The following PKHD1L1 variants were observed in gnomAD, a reference collection of about 807,000 sequenced individuals.
The protein encoded by PKHD1L1 is PKHD1 like 1, also known as fibrocystin-L.
In PKHD1L1, 434 loss-of-function variants were observed where a neutral mutation model predicts 462.9. That is an observed-to-expected ratio of 0.94 (90% confidence interval 0.87 to 1.02). PKHD1L1 has a LOEUF of 1.02. Among genes scored for constraint, PKHD1L1 ranks in the 50% least tolerant of loss-of-function variants. The pLI is 0.00. For synonymous variants in PKHD1L1, 1,781 were observed against 1,750.0 expected, an observed-to-expected ratio of 1.02 and a Z score of -0.44; for missense variants, 5,202 against 5,096.1, an observed-to-expected ratio of 1.02 and a Z score of -0.63.
chr8:109,476,485 C>T, intron 51 of PKHD1L1, 23 bp from the exon 52 acceptor site: 1 of 1,369,216 alleles, frequency 7.3e-7, no homozygotes, highest in Non-Finnish European at 9.9e-7. Context: ...ATACAAGTCA[C>T]ATTTTTCTAT....
chr8:109,502,831 A>T (rs1237279299), intron 67 of PKHD1L1, among the ~76,000 whole-genome samples: 1 of 152,230 alleles, frequency 6.6e-6, no homozygotes, highest in Non-Finnish European at 1.5e-5. Context: ...AGCTTCTTCT[A>T]CCTGAAACTT....
chr8:109,453,386 G>A (rs751252810), intron 43 of PKHD1L1, among the ~76,000 whole-genome samples: 30 of 152,136 alleles, frequency 2.0e-4, no homozygotes, highest in Non-Finnish European at 1.5e-5. Context: ...GTTGTTGCCT[G>A]GGTTTGTCTC....
rs777422174 is a variant in PKHD1L1 at position 109,454,262 on chromosome 8, T to C, written c.6744+16T>C. On this transcript the variant is annotated intron_variant, in intron 44 of 77. Coordinates refer to ENST00000378402, the MANE Select transcript of PKHD1L1 (RefSeq NM_177531.6). ...TGTTCTTCAGGTATTCAAAAGAACA[T>C]AATACATATTCATTTCCAACCTGTC... 4 of 1,543,538 alleles carry C rather than the reference T, an allele frequency of 2.6e-6. No individual in the cohort carries two copies. Among genetic ancestry groups the C allele is most frequent in the Non-Finnish European group, 3.5e-6 (4 of 1,130,466 alleles).
Position 109,448,389 on chromosome 8 carries a change from A to G in PKHD1L1, c.6023A>G (p.Gln2008Arg), listed in dbSNP as rs1021463700. Reference protein sequence around the residue: ...PLNIQNINPSQGSFGGGQTMT... With the variant: ...PLNIQNINPSRGSFGGGQTMT... ...AATATTCAAAATATTAATCCAAGCC[A>G]AGGTAGTCATAAGTATGCAAGAACC... The change falls in exon 39 of 78, where the codon CAA becomes CGA. Residue 2008 changes from glutamine to arginine, a missense_variant and splice_region_variant. Physicochemically the swap from Gln to Arg is conservative, Grantham distance 43. Around this residue, in one of 3 missense-constraint regions of PKHD1L1, gnomAD observed 4,497 missense variants for 4,336.8 expected, o/e 1.04. Transcript: ENST00000378402. The G allele has an allele frequency of 6.2e-7, 1 of 1,609,454 alleles. No homozygotes were observed.
In PKHD1L1 at chr8:109,507,845, C is replaced by G. The variant is rs565723069; in HGVS notation, c.11177C>G (p.Thr3726Arg). Residue 3726 changes from threonine (T) to arginine (R), a missense_variant, in exon 69 of 78, where the codon ACA (threonine) becomes AGA (arginine). Physicochemically the swap from Thr to Arg is moderately conservative, Grantham distance 71. Coordinates refer to ENST00000378402, the MANE Select transcript of PKHD1L1 (RefSeq NM_177531.6). ...GDYRIPKAML[T>R]FLNGSRIPVT... ...TACAGAATTCCTAAGGCGATGCTCA[C>G]ATTCTTGAATGGAAGTAGAATTCCT... is the stretch of plus-strand genomic sequence containing the variant. The G allele has an allele frequency of 6.2e-7, 1 of 1,613,582 alleles. No homozygotes were observed. The highest frequency in any genetic ancestry group is 2.2e-5 in the East Asian group (1 of 44,848).
In PKHD1L1 at chr8:109,444,667, A is replaced by G. The variant is rs1216504492; in HGVS notation, c.4798A>G (p.Ile1600Val). The G allele has an allele frequency of 1.9e-6, 3 of 1,610,862 alleles. No homozygotes were observed. The highest frequency in any genetic ancestry group is 1.6e-4 in the Middle Eastern group (1 of 6,076). Residue 1600 changes from isoleucine to valine, a missense_variant, in exon 38 of 78, where the codon ATT becomes GTT. Ile to Val is a conservative substitution (Grantham distance 29). This residue lies in a region of PKHD1L1 where 4,497 missense variants were observed against 4,336.8 expected (regional missense o/e 1.04). Transcript: ENST00000378402. ...GTATTCATTTTACTTACAGGTTACA[A>G]TTGGTAGCTACCCCTGTGTCGTAGA... Reference protein sequence around the residue: ...SNLPWANKVTIGSYPCVVEES... With the variant: ...SNLPWANKVTVGSYPCVVEES...
intron 25 of PKHD1L1, among the ~76,000 whole-genome samples, chr8:109,427,728 A>G (rs925437885): frequency 6.6e-6 from 1 of 152,090 alleles, no homozygotes; most frequent in Non-Finnish European, 1.5e-5. Context: ...TCAAACATTA[A>G]AAAGATGATG....
chr8:109,507,051 T>G (rs1016634140), intron 68 of PKHD1L1, among the ~76,000 whole-genome samples: 2 of 152,160 alleles, frequency 1.3e-5, no homozygotes, highest in African/African-American at 4.8e-5. Flanking sequence ...TACTAAAATA[T>G]GTAGCATAAT....
At position 109,465,184 on chromosome 8, in the gene PKHD1L1, C is replaced by G. The variant is rs1817371128; in HGVS notation, c.8352C>G (p.Asn2784Lys). ...ACGTCCAGTATTCTCACACACCGAA[C>G]AAGGCTGGCTTTCGCTGGGAACATG... ...FVDVQYSHTP[N>K]KAGFRWEHEM... is the part of the protein sequence containing the mutation. Residue 2784 changes from asparagine (N) to lysine (K), a missense_variant, in exon 49 of 78, where the codon AAC becomes AAG. Transcript: ENST00000378402. 1 of 1,613,592 alleles carries G rather than the reference C, an allele frequency of 6.2e-7. No individual in the cohort carries two copies. Among genetic ancestry groups the G allele is most frequent in the African/African-American group, 1.3e-5 (1 of 74,886 alleles).
intron 32 of PKHD1L1, 130 bp downstream of exon 32, chr8:109,439,222 C>CAA: frequency 1.3e-6 from 1 of 797,196 alleles, no homozygotes; most frequent in Non-Finnish European, 2.0e-6. Flanking sequence ...TCTTCTTTGG[C>CAA]AAAAGATGCC....
Position 109,522,837 on chromosome 8 carries a change from C to A in PKHD1L1, c.12277C>A (p.Gln4093Lys). Residue 4093 changes from glutamine to lysine, a missense_variant, in exon 75 of 78, where the codon CAG becomes AAG. Transcript: ENST00000378402. ...AGTGATCACTCAGCCGGTGGCAGCA[C>A]AGCCAGGACAGCCATTTCCTCAGCA... ...LLVITQPVAA[Q>K]PGQPFPQQPS... 6.2e-7 allele frequency: 1 copy of A among 1,611,842 alleles called. No homozygotes were observed. The highest frequency in any genetic ancestry group is 8.5e-7 in the Non-Finnish European group (1 of 1,179,144).
chr8:109,445,560 T>C lies in PKHD1L1; in HGVS notation c.5691T>C (p.Phe1897=), dbSNP rs1816087984. Residue 1897 remains phenylalanine (F), a synonymous_variant, in exon 38 of 78, where the codon TTT becomes TTC. Transcript: ENST00000378402. ...GTTGMVDVKI[F]VNTIAYPPLL... ...CTGGAATGGTCGATGTTAAAATCTT[T>C]GTTAATACAATTGCTTATCCACCTT... The C allele has an allele frequency of 3.7e-6, 6 of 1,612,502 alleles. No individual in the cohort carries two copies. Among genetic ancestry groups the C allele is most frequent in the Non-Finnish European group, 4.2e-6 (5 of 1,179,148 alleles).
At position 109,515,152 on chromosome 8, in the gene PKHD1L1, CTT is replaced by C; in HGVS notation, c.11554-11_11554-10del. 6.6e-7 allele frequency: 1 copy of C among 1,509,862 alleles called. No individual in the cohort carries two copies. Among genetic ancestry groups the C allele is most frequent in the Non-Finnish European group, 8.9e-7 (1 of 1,124,262 alleles). The allele number at this position is 1,509,862 out of a possible 1,614,324, so 93.5% of individuals were successfully genotyped here. A position where few individuals can be genotyped will look rare whatever the true frequency, so the allele number is the denominator to read the frequency against. ...ATTCTATTTTGTTGCTTTCTTAAAA[CTT>C]TTTTTTCTTTAATAGGCTGTTCTAG... On this transcript the variant is annotated splice_polypyrimidine_tract_variant and intron_variant, in intron 71 of 77. Transcript: ENST00000378402.
In PKHD1L1 at chr8:109,489,541, A is replaced by T. The variant is rs527264677; in HGVS notation, c.9881-411A>T. On this transcript the variant is annotated intron_variant, in intron 59 of 77. Transcript: ENST00000378402. ...GCCCTTAAAAGCTCTTTATGGCATC[A>T]AAAGGGAAATATCAGGTAAATTATA... Among the ~76,000 whole-genome samples the T allele has an allele frequency of 1.3e-3, 203 of 152,100 alleles. 2 individuals carry two copies. Among genetic ancestry groups the T allele is most frequent in the African/African-American group, 4.7e-3 (196 of 41,550 alleles).
intron 67 of PKHD1L1, among the ~76,000 whole-genome samples, chr8:109,503,043 C>T (rs758136723): frequency 1.4e-4 from 21 of 152,170 alleles, no homozygotes; most frequent in Admixed American, 2.6e-4. Flanking sequence ...CAGTGGCTCA[C>T]GCCTGTAGTT....
At chr8:109,493,796 G>C (rs1167383175) in intron 63 of PKHD1L1, 45 bp downstream of exon 63, 3 of 1,270,066 alleles carry the variant, frequency 2.4e-6, no homozygotes, top group Non-Finnish European at 3.3e-6. Context: ...GAAATAACTT[G>C]TACAAAATTG....
At chr8:109,441,579 T>G (rs1477196509) in intron 34 of PKHD1L1, among the ~76,000 whole-genome samples, 200 bp downstream of exon 34, 1 of 152,150 alleles carries the variant, frequency 6.6e-6, no homozygotes, top group East Asian at 1.9e-4. Flanking sequence ...AGGCCATACT[T>G]TGCAATTTCC....
At chr8:109,470,772 T>A in intron 50 of PKHD1L1, 1 of 1,533,424 alleles carries the variant, frequency 6.5e-7, no homozygotes, top group Admixed American at 1.8e-5. Flanking sequence ...AGGACTGTTT[T>A]TTCATAAATC....
chr8:109,473,411 G>A (rs1389963194), intron 50 of PKHD1L1, among the ~76,000 whole-genome samples: 2 of 151,990 alleles, frequency 1.3e-5, no homozygotes, highest in African/African-American at 2.4e-5. Context: ...AGCTACTTGG[G>A]AGGTTGAGGC....
Sources: allele counts gnomAD v4.1 joint callset (sites outside exome capture counted in the v4.1 genomes callset), GRCh38; gene constraint gnomAD v4.1.1; regional missense constraint gnomAD v4.1.1; transcripts MANE v1.5; gene names NCBI Gene and HGNC (gene_info 2026-07-23, HGNC 2026-07-21).